VWA3B: variants seen among roughly 807,000 people sequenced by gnomAD.
VWA3B encodes von Willebrand factor A domain containing 3B, also known as von Willebrand factor A domain-containing protein 3B.
VWA3B carries 138 observed loss-of-function variants against 158.3 expected under a neutral mutation model. That is an observed-to-expected ratio of 0.87 (90% CI 0.76 to 1.00). The LOEUF (loss-of-function observed/expected upper bound fraction) is 1.00, where lower values mean the gene tolerates loss of function less well. VWA3B is among the 50% of genes least tolerant of loss of function. The pLI is 0.00. For missense variants in VWA3B, 1,555 were observed against 1,565.1 expected, an observed-to-expected ratio of 0.99 and a Z score of 0.11; for synonymous variants, 596 against 587.3, an observed-to-expected ratio of 1.01 and a Z score of -0.21.
the VWA3B span, among the ~76,000 whole-genome samples, chr2:98,319,565 T>G: frequency 6.6e-6 from 1 of 152,086 alleles, no homozygotes; most frequent in Non-Finnish European, 1.5e-5. Flanking sequence ...ACTTCACTCA[T>G]GATAAGAGAA....
At chr2:98,328,334 A>G in the VWA3B span, among the ~76,000 whole-genome samples, 1 of 152,212 alleles carries the variant, frequency 6.6e-6, no homozygotes, top group Admixed American at 6.5e-5. Flanking sequence ...TAAACATTGT[A>G]CTGAGCAAGG....
At chr2:98,303,940 C>T in intron 26 of VWA3B, 138 bp downstream of exon 26, 4 of 789,928 alleles carry the variant, frequency 5.1e-6, no homozygotes, top group South Asian at 1.8e-5. Context: ...TAAAATGTAG[C>T]TCTGTGTTTA....
rs377433331 is a variant in VWA3B at position 98,126,858 on chromosome 2, G to C, written c.703-1381G>C. ...TGTCCTTCTCCTAAGTCCCAGTCTG[G>C]GCCCCACCCACTGCGTCCCACCCCT... On this transcript the variant is annotated intron_variant, in intron 5 of 27. Coordinates refer to ENST00000477737, the MANE Select transcript of VWA3B (RefSeq NM_144992.5). Among the ~76,000 whole-genome samples the C allele has an allele frequency of 3.9e-5, 6 of 152,122 alleles. No homozygotes were observed. The East Asian group carries it at 9.7e-4, about 25-fold the overall frequency.
chr2:98,251,618 C>T (rs1437157522), intron 20 of VWA3B, among the ~76,000 whole-genome samples: 1 of 152,176 alleles, frequency 6.6e-6, no homozygotes, highest in Non-Finnish European at 1.5e-5. Context: ...TCATTTGCCA[C>T]CATGCGGGTG....
chr2:98,270,764 T>A lies in VWA3B; in HGVS notation c.2926T>A (p.Ser976Thr). 8 of 1,614,178 alleles carry A rather than the reference T, an allele frequency of 5.0e-6. No individual in the cohort carries two copies. Among genetic ancestry groups the A allele is most frequent in the Non-Finnish European group, 6.8e-6 (8 of 1,180,002 alleles). ...QALERLNWPI[S>T]LKELSMLESE... The stretch of plus-strand genomic sequence containing the variant: ...TTTAGAACGGTTGAATTGGCCCATT[T>A]CACTGAAAGAGCTGTCGATGCTGGA... The change falls in exon 22 of 28, where the codon TCA becomes ACA. Residue 976 changes from serine (S) to threonine (T), a missense_variant. Transcript: ENST00000477737.
chr2:98,180,062 C>CTCTTTCTCTCTTTCTT (rs1303124968), intron 8 of VWA3B, among the ~76,000 whole-genome samples: 2 of 145,094 alleles, frequency 1.4e-5, no homozygotes, highest in South Asian at 2.2e-4. Flanking sequence ...CTCCTTTTCT[C>CTCTTTCTCTCTTTCTT]TCTTTCTCTC....
chr2:98,216,980 G>GAA, intron 13 of VWA3B: 1 of 993,780 alleles, frequency 1.0e-6, no homozygotes, highest in Non-Finnish European at 1.3e-6. Context: ...ATCATTGTAA[G>GAA]CACCCGCCCC....
chr2:98,177,072 C>G (rs1387649480), intron 8 of VWA3B, among the ~76,000 whole-genome samples: 1 of 152,192 alleles, frequency 6.6e-6, no homozygotes, highest in East Asian at 1.9e-4. Context: ...CCCTCTGGAG[C>G]TGAACCTGGA....
chr2:98,207,791 A>G (rs1160325893), intron 12 of VWA3B: 5 of 248,024 alleles, frequency 2.0e-5, no homozygotes, highest in Non-Finnish European at 4.0e-5. Flanking sequence ...CCTTCCCCTA[A>G]TCCAAACAGC....
At chr2:98,126,025 C>T (rs1229301233) in intron 5 of VWA3B, among the ~76,000 whole-genome samples, 1 of 152,098 alleles carries the variant, frequency 6.6e-6, no homozygotes, top group Non-Finnish European at 1.5e-5. Flanking sequence ...AGACCGTGTA[C>T]AGGAGAGTGG....
intron 22 of VWA3B, among the ~76,000 whole-genome samples, chr2:98,285,714 TG>T (rs1376122407): frequency 6.6e-6 from 1 of 151,724 alleles, no homozygotes; most frequent in Admixed American, 6.6e-5. Context: ...CAACATTTTT[TG>T]GGGGGTCATC....
At position 98,167,191 on chromosome 2, in the gene VWA3B, G is replaced by T. The variant is rs188781308; in HGVS notation, c.1114+4215G>T. On this transcript the variant is annotated intron_variant, in intron 8 of 27. Coordinates refer to ENST00000477737, the MANE Select transcript of VWA3B (RefSeq NM_144992.5). Reference sequence around the variant, plus strand: ...CTAGCAAGCTGCCATTCCGCACACTGGTTCGAGGTCACCTGGCACATACAG... The same window carrying T: ...CTAGCAAGCTGCCATTCCGCACACTTGTTCGAGGTCACCTGGCACATACAG... 2.8e-4 allele frequency among the ~76,000 whole-genome samples: 42 copies of T among 152,272 alleles called. No homozygotes were observed. In the East Asian group the frequency reaches 6.6e-3, roughly 24 times the overall value.
downstream of VWA3B, among the ~76,000 whole-genome samples, chr2:98,316,538 G>C (rs1278645127): frequency 1.3e-5 from 2 of 151,894 alleles, no homozygotes; most frequent in African/African-American, 4.8e-5. Context: ...CAGCTACTTG[G>C]GGTGGGGCTG....
intron 9 of VWA3B, among the ~76,000 whole-genome samples, chr2:98,184,883 T>A (rs926986882): frequency 6.6e-6 from 1 of 152,232 alleles, no homozygotes; most frequent in Admixed American, 6.5e-5. Context: ...AAGACATCTC[T>A]TGTGGTTGTC....
intron 17 of VWA3B, 110 bp from the exon 18 acceptor site, chr2:98,236,280 C>T: frequency 8.5e-7 from 1 of 1,169,622 alleles, no homozygotes. Flanking sequence ...AAATGTGGTC[C>T]ATTTATTAGC....
chr2:98,295,508 C>T (rs1689749264), intron 23 of VWA3B, among the ~76,000 whole-genome samples: 4 of 152,166 alleles, frequency 2.6e-5, no homozygotes, highest in Admixed American at 1.3e-4. Flanking sequence ...AGGACAACCC[C>T]GACTGAGGCA....
chr2:98,095,760 A>G (rs753968433), intron 2 of VWA3B, among the ~76,000 whole-genome samples: 1 of 152,212 alleles, frequency 6.6e-6, no homozygotes, highest in Non-Finnish European at 1.5e-5. Flanking sequence ...TGGGTTTGTC[A>G]TATATGGCCT....
At position 98,163,311 on chromosome 2, in the gene VWA3B, G is replaced by A. The variant is rs528996486; in HGVS notation, c.1114+335G>A. On this transcript the variant is annotated intron_variant, in intron 8 of 27. Coordinates refer to ENST00000477737, the MANE Select transcript of VWA3B (RefSeq NM_144992.5). ...CCCCAGCACTTTGGGAGGCCGAGGC[G>A]GGTGGATCACGAGGTCAGGAGATCG... Among the ~76,000 whole-genome samples, 7 of 152,262 alleles carry A rather than the reference G, an allele frequency of 4.6e-5. No individual in the cohort carries two copies. The East Asian group carries it at 7.7e-4, about 17-fold the overall frequency.
At position 98,194,337 on chromosome 2, in the gene VWA3B, TTAAA is replaced by T; in HGVS notation, c.1606-20_1606-17del. 1 of 1,609,674 alleles carries T rather than the reference TTAAA, an allele frequency of 6.2e-7. No homozygotes were observed. Reference sequence around the variant, plus strand: ...TTCTAACATCTGAGTGGTTTTATGGTTAAATAATCATTGTCTCTTTTAGGAACAG... The same window carrying T: ...TTCTAACATCTGAGTGGTTTTATGGTTAATCATTGTCTCTTTTAGGAACAG... On this transcript the variant is annotated intron_variant, in intron 11 of 27. Transcript: ENST00000477737.
Sources: gnomAD v4.1 joint callset for allele counts (sites outside exome capture counted in the v4.1 genomes callset) on GRCh38, gnomAD v4.1.1 for gene constraint, MANE v1.5 for transcripts, NCBI Gene and HGNC (gene_info 2026-07-23, HGNC 2026-07-21) for gene names.